The following FAM20A variants were observed in gnomAD, a reference collection of about 807,000 sequenced individuals.
FAM20A encodes pseudokinase FAM20A.
Under a neutral mutation model 52.0 loss-of-function variants are expected in FAM20A, and 42 were observed. The observed-to-expected ratio is 0.81, with a 90% confidence interval of 0.63 to 1.04. The LOEUF is 1.04. FAM20A is among the 50% of genes least tolerant of loss of function. The probability of loss-of-function intolerance (pLI) is 0.00; values close to 1 mark genes in which losing one functional copy is unlikely to be tolerated. For missense variants in FAM20A, 742 were observed against 712.7 expected, an observed-to-expected ratio of 1.04 and a Z score of -0.47; for synonymous variants, 304 against 298.9, an observed-to-expected ratio of 1.02 and a Z score of -0.18.
chr17:68,560,164 C>T (rs565684132), intron 1 of FAM20A, among the ~76,000 whole-genome samples: 1 of 152,122 alleles, frequency 6.6e-6, no homozygotes, highest in African/African-American at 2.4e-5. Context: ...AATCTCTTGA[C>T]CTCATGATCC....
At chr17:68,588,941 C>T (rs2088231013) in intron 1 of FAM20A, among the ~76,000 whole-genome samples, 1 of 152,226 alleles carries the variant, frequency 6.6e-6, no homozygotes, top group African/African-American at 2.4e-5. Context: ...AACTCACCAG[C>T]AGAAGGGATT....
At chr17:68,583,884 T>C (rs2088088389) in intron 1 of FAM20A, among the ~76,000 whole-genome samples, 1 of 151,394 alleles carries the variant, frequency 6.6e-6, no homozygotes, top group Non-Finnish European at 1.5e-5. Flanking sequence ...AGACTCCATC[T>C]CAAAAAAAAG....
At chr17:68,565,582 TG>T (rs2087355447) in intron 1 of FAM20A, among the ~76,000 whole-genome samples, 1 of 151,870 alleles carries the variant, frequency 6.6e-6, no homozygotes, top group East Asian at 1.9e-4. Context: ...TTAGTAGAGA[TG>T]GGGTTTCACC....
intron 1 of FAM20A, among the ~76,000 whole-genome samples, chr17:68,587,926 C>T (rs1239791646): frequency 6.6e-6 from 1 of 152,106 alleles, no homozygotes; most frequent in Non-Finnish European, 1.5e-5. Flanking sequence ...GAAAAACAAA[C>T]CTTCACTTTT....
In FAM20A at chr17:68,536,676, C is replaced by T; in HGVS notation, c.*801G>A. 2.2e-6 allele frequency: 1 copy of T among 453,338 alleles called. No homozygotes were observed. The highest frequency in any genetic ancestry group is 1.6e-5 in the South Asian group (1 of 64,314). The allele number at this position is 453,338 out of a possible 1,614,324, so 28.1% of individuals were successfully genotyped here. A position where few individuals can be genotyped will look rare whatever the true frequency, so the allele number is the denominator to read the frequency against. The stretch of plus-strand genomic sequence containing the variant: ...GCCTTGGCTCTTTTCCTGCCTTACT[C>T]CAGGCTTGTGTCCCTGCTAGGCCTG... On this transcript the variant is annotated 3_prime_UTR_variant, in exon 11 of 11. Coordinates refer to ENST00000592554, the MANE Select transcript of FAM20A (RefSeq NM_017565.4).
chr17:68,594,542 T>C (rs989263163), intron 1 of FAM20A, among the ~76,000 whole-genome samples: 1 of 152,216 alleles, frequency 6.6e-6, no homozygotes, highest in Admixed American at 6.5e-5. Context: ...GCTGTATGCT[T>C]TGCACAGGGA....
At chr17:68,578,005 C>A (rs1276444216) in intron 1 of FAM20A, among the ~76,000 whole-genome samples, 1 of 149,666 alleles carries the variant, frequency 6.7e-6, no homozygotes, top group East Asian at 2.0e-4. Flanking sequence ...ATTTCACACA[C>A]CACACACACA....
At chr17:68,582,869 C>T (rs1219543593) in intron 1 of FAM20A, among the ~76,000 whole-genome samples, 1 of 142,666 alleles carries the variant, frequency 7.0e-6, no homozygotes. Context: ...TCTAGGCTCA[C>T]TGCAACCTCC....
At chr17:68,543,825 G>A (rs1395438466) in intron 4 of FAM20A, 104 bp from the exon 5 acceptor site, 1 of 994,212 alleles carries the variant, frequency 1.0e-6, no homozygotes. Context: ...GGGCTTTTAT[G>A]CTTTTCATGT....
chr17:68,560,351 A>G (rs1171445276), intron 1 of FAM20A, among the ~76,000 whole-genome samples: 2 of 152,004 alleles, frequency 1.3e-5, no homozygotes, highest in Non-Finnish European at 2.9e-5. Context: ...CTCAAAAAAA[A>G]AAAAAAAAAG....
intron 4 of FAM20A, 79 bp downstream of exon 4, chr17:68,551,794 T>C (rs1408677127): frequency 1.0e-6 from 1 of 983,752 alleles, no homozygotes; most frequent in Admixed American, 2.0e-5. Flanking sequence ...AGACTTTAGG[T>C]CACTTTTATT....
In FAM20A at chr17:68,535,465, T is replaced by C. The variant is rs2086073299; in HGVS notation, c.*2012A>G. 2.2e-6 allele frequency: 1 copy of C among 454,064 alleles called. No homozygotes were observed. Among genetic ancestry groups the C allele is most frequent in the Non-Finnish European group, 4.4e-6 (1 of 226,780 alleles). 28.1% of individuals were successfully genotyped at this position (454,064 alleles called of 1,614,324 possible). A position where few individuals can be genotyped will look rare whatever the true frequency, so the allele number is the denominator to read the frequency against. On this transcript the variant is annotated 3_prime_UTR_variant, in exon 11 of 11. Transcript: ENST00000592554. ...TCTTATTTGGAAGTCCCAAACCATT[T>C]TGTGCTATTCTTTGAATGTTTTTAC... is the stretch of plus-strand genomic sequence containing the variant.
intron 4 of FAM20A, among the ~76,000 whole-genome samples, chr17:68,547,277 A>T (rs191342476): frequency 3.5e-4 from 53 of 152,126 alleles, no homozygotes; most frequent in South Asian, 2.1e-3. Context: ...TATTATTATT[A>T]TTTTTTTATT....
At chr17:68,585,923 G>A (rs1354842261) in intron 1 of FAM20A, among the ~76,000 whole-genome samples, 2 of 152,302 alleles carry the variant, frequency 1.3e-5, no homozygotes, top group East Asian at 1.9e-4. Context: ...GAGGTGAGGC[G>A]AGAAGGACAA....
rs773063025 is a variant in FAM20A at position 68,539,982 on chromosome 17, G to T, written c.1220-16C>A. 1 of 1,612,588 alleles carries T rather than the reference G, an allele frequency of 6.2e-7. No individual in the cohort carries two copies. The highest frequency in any genetic ancestry group is 1.1e-5 in the South Asian group (1 of 90,956). On this transcript the variant is annotated splice_polypyrimidine_tract_variant and intron_variant, in intron 8 of 10. Transcript: ENST00000592554. ...TCCATATTCCCTGTGAAGGAGGGGAGGACTTAGCTGGAACCAGCAGGCCAG... is the reference window on the plus strand; with the variant it reads ...TCCATATTCCCTGTGAAGGAGGGGATGACTTAGCTGGAACCAGCAGGCCAG...
At chr17:68,557,295 T>C (rs1452727626) in intron 1 of FAM20A, among the ~76,000 whole-genome samples, 1 of 152,132 alleles carries the variant, frequency 6.6e-6, no homozygotes, top group African/African-American at 2.4e-5. Flanking sequence ...CCATTTGTGA[T>C]CTTAGTGATT....
At chr17:68,544,163 C>G (rs1296614150) in intron 4 of FAM20A, among the ~76,000 whole-genome samples, 2 of 152,046 alleles carry the variant, frequency 1.3e-5, no homozygotes, top group Non-Finnish European at 2.9e-5. Context: ...AAAAGTGGCC[C>G]AGAAATGCAA....
Position 68,537,125 on chromosome 17 carries a change from C to T in FAM20A, c.*352G>A. 2 of 483,324 alleles carry T rather than the reference C, an allele frequency of 4.1e-6. No homozygotes were observed. The highest frequency in any genetic ancestry group is 1.5e-5 in the South Asian group (1 of 64,718). 29.9% of individuals were successfully genotyped at this position (483,324 alleles called of 1,614,324 possible). On this transcript the variant is annotated 3_prime_UTR_variant, in exon 11 of 11. Coordinates refer to ENST00000592554, the MANE Select transcript of FAM20A (RefSeq NM_017565.4). This position sits in a 1 kb window ranked among gnomAD's most constrained non-coding sequence, Gnocchi z 4.2. Reference sequence around the variant, plus strand: ...TAAGGATCCTGAGAAGTCAGGTATCCACTTGATGTCCTTTTATTTGACTTG... The same window carrying T: ...TAAGGATCCTGAGAAGTCAGGTATCTACTTGATGTCCTTTTATTTGACTTG...
chr17:68,580,379 G>A (rs1342197310), intron 1 of FAM20A, among the ~76,000 whole-genome samples: 1 of 152,212 alleles, frequency 6.6e-6, no homozygotes, highest in African/African-American at 2.4e-5. Context: ...AAATGGGCTG[G>A]TTTCCCGACA....
Sources: allele counts gnomAD v4.1 joint callset (sites outside exome capture counted in the v4.1 genomes callset), GRCh38; gene constraint gnomAD v4.1.1; non-coding constraint Gnocchi (gnomAD v3.1); transcripts MANE v1.5; gene names NCBI Gene and HGNC (gene_info 2026-07-23, HGNC 2026-07-21).